Variants in TMEM132A observed in about 807,000 individuals in gnomAD.
TMEM132A encodes the protein transmembrane protein 132A, also known as GRP78-binding protein.
Under a neutral mutation model 69.9 loss-of-function variants are expected in TMEM132A, and 48 were observed. The ratio of observed to expected loss-of-function variants is 0.69; its 90% CI spans 0.55 to 0.87. The LOEUF (loss-of-function observed/expected upper bound fraction) is 0.87, where lower values mean the gene tolerates loss of function less well. Among genes scored for constraint, TMEM132A ranks in the 40% least tolerant of loss-of-function variants. The pLI, the probability that TMEM132A is intolerant of heterozygous loss-of-function variation, is 0.00. For missense variants in TMEM132A, 1,287 were observed against 1,407.2 expected (o/e 0.91, Z 1.37); for synonymous variants, 577 against 613.7 (o/e 0.94, Z 0.88).
rs1565122910 is a variant in TMEM132A, at chr11:60,935,016, GC to G, written c.1837-231del. 5.3e-5 allele frequency among the ~76,000 whole-genome samples: 8 copies of G among 152,150 alleles called. No homozygotes were observed. The highest frequency in any genetic ancestry group is 1.4e-4 in the African/African-American group (6 of 41,412). ...CCGGGTCTTGAGGGAAAAGGGAACT[GC>G]CCCCTAGGTGTGGGATTGGGGTCCA... On this transcript the variant is annotated intron_variant, in intron 9 of 10. Transcript: ENST00000453848. This position sits in a 1 kb window ranked among gnomAD's most constrained non-coding sequence, Gnocchi z 5.0.
Position 60,935,195 on chromosome 11 carries a change from T to TG in TMEM132A, c.1837-54dup. 1.3e-6 allele frequency: 2 copies of TG among 1,516,670 alleles called. No individual in the cohort carries two copies. Among genetic ancestry groups the TG allele is most frequent in the South Asian group, 2.4e-5 (2 of 82,972 alleles). 94.0% of individuals were successfully genotyped at this position (1,516,670 alleles called of 1,614,324 possible). On this transcript the variant is annotated intron_variant, in intron 9 of 10. Coordinates refer to ENST00000453848, the MANE Select transcript of TMEM132A (RefSeq NM_178031.3). The surrounding 1 kb of genome is among the most constrained non-coding windows in gnomAD (Gnocchi z 5.0). Reference sequence around the variant, plus strand: ...GGTGCTGGGAGCACCCGGTTCCCTCTGGGTGGGGGCTGTCTGTATGGAAGG... The same window carrying TG: ...GGTGCTGGGAGCACCCGGTTCCCTCTGGGGTGGGGGCTGTCTGTATGGAAGG...
In TMEM132A at chr11:60,936,329, G is replaced by T. The variant is rs906717734; in HGVS notation, c.2494G>T (p.Glu832Ter). 3.1e-6 allele frequency: 5 copies of T among 1,612,690 alleles called. No homozygotes were observed. In the Admixed American group the frequency reaches 5.0e-5, roughly 16 times the overall value. Residue 832 changes from glutamate to a stop codon, truncating the protein, a stop_gained, in exon 11 of 11, where the codon GAG becomes TAG. Coordinates refer to ENST00000453848, the MANE Select transcript of TMEM132A (RefSeq NM_178031.3). LOFTEE classifies it low-confidence loss of function (END_TRUNC). ...ETEAREEEEE[E>*]EEEMVPAPQH... is the part of the protein sequence containing the mutation. ...CGAAGCCAGGGAGGAGGAGGAGGAAGAGGAGGAGGAGATGGTCCCTGCCCC... is the reference window on the plus strand; with the variant it reads ...CGAAGCCAGGGAGGAGGAGGAGGAATAGGAGGAGGAGATGGTCCCTGCCCC...
chr11:60,929,135 C>A (rs1856421278), intron 4 of TMEM132A, among the ~76,000 whole-genome samples, 175 bp downstream of exon 4: 1 of 152,232 alleles, frequency 6.6e-6, no homozygotes, highest in African/African-American at 2.4e-5. Context: ...AGGAGCCCAC[C>A]ATGGGCACAG....
chr11:60,924,530 A>C lies in TMEM132A; in HGVS notation c.-104A>C. On this transcript the variant is annotated 5_prime_UTR_variant, in exon 1 of 11. Transcript: ENST00000453848. ...GGCGGCGGCGGCGGCGGCGGCCGGGACCCAGCGGGCCAGGTGGGGACGGCG... is the reference window on the plus strand; with the variant it reads ...GGCGGCGGCGGCGGCGGCGGCCGGGCCCCAGCGGGCCAGGTGGGGACGGCG... 1 of 798,520 alleles carries C rather than the reference A, an allele frequency of 1.3e-6. No homozygotes were observed. Among genetic ancestry groups the C allele is most frequent in the Non-Finnish European group, 1.7e-6 (1 of 581,774 alleles). The allele number at this position is 798,520 out of a possible 1,614,324, so 49.5% of individuals were successfully genotyped here.
chr11:60,934,554 G>A lies in TMEM132A; in HGVS notation c.1626G>A (p.Gln542=). ...GGCGCGCCCGTGGCTGCCACCTGCAGTACCAGCGGGCCGGTGTGCGCTTCC... is the reference window on the plus strand; with the variant it reads ...GGCGCGCCCGTGGCTGCCACCTGCAATACCAGCGGGCCGGTGTGCGCTTCC... ...AERRARGCHL[Q]YQRAGVRFLA... The change falls in exon 9 of 11, where the codon CAG becomes CAA. Residue 542 remains glutamine, a synonymous_variant. Coordinates refer to ENST00000453848, the MANE Select transcript of TMEM132A (RefSeq NM_178031.3). 6.6e-7 allele frequency: 1 copy of A among 1,518,546 alleles called. No individual in the cohort carries two copies. Among genetic ancestry groups the A allele is most frequent in the Middle Eastern group, 2.3e-4 (1 of 4,308 alleles). 94.1% of individuals were successfully genotyped at this position (1,518,546 alleles called of 1,614,324 possible).
In TMEM132A at chr11:60,936,534, C is replaced by G. The variant is rs1043682572; in HGVS notation, c.2699C>G (p.Thr900Ser). The change falls in exon 11 of 11, where the codon ACT (threonine) becomes AGT (serine). Residue 900 changes from threonine (T) to serine (S), a missense_variant. Transcript: ENST00000453848. Reference protein sequence around the residue: ...PQPHNWVWLGTDQEELSRQLD... With the variant: ...PQPHNWVWLGSDQEELSRQLD... Reference sequence around the variant, plus strand: ...CCCCACAACTGGGTCTGGCTGGGCACTGACCAGGAGGAACTGAGCCGCCAG... The same window carrying G: ...CCCCACAACTGGGTCTGGCTGGGCAGTGACCAGGAGGAACTGAGCCGCCAG... 2 of 1,613,554 alleles carry G rather than the reference C, an allele frequency of 1.2e-6. No homozygotes were observed. The highest frequency in any genetic ancestry group is 2.2e-5 in the South Asian group (2 of 91,078).
chr11:60,926,729 T>C (rs1452212655), intron 1 of TMEM132A: 2 of 234,572 alleles, frequency 8.5e-6, no homozygotes, highest in African/African-American at 2.3e-5. Flanking sequence ...CAGGTTGCCA[T>C]GGCAATGATG....
chr11:60,931,250 C>T (rs982788340), intron 5 of TMEM132A, among the ~76,000 whole-genome samples: 1 of 152,364 alleles, frequency 6.6e-6, no homozygotes, highest in Non-Finnish European at 1.5e-5. Context: ...ACATATCAGG[C>T]ACCCAGGACG....
At chr11:60,927,182 T>A in intron 1 of TMEM132A, 22 bp from the exon 2 acceptor site, 1 of 1,605,394 alleles carries the variant, frequency 6.2e-7, no homozygotes, top group Non-Finnish European at 8.5e-7. Context: ...TGTCATCATC[T>A]CTCCCTCTTA....
intron 7 of TMEM132A, 150 bp downstream of exon 7, chr11:60,932,277 T>C (rs1856498316): frequency 1.0e-6 from 1 of 963,156 alleles, no homozygotes. Context: ...AGCTTCAACT[T>C]CTTTTGTTCC....
intron 1 of TMEM132A, chr11:60,925,240 C>G (rs1012445885): frequency 1.3e-5 from 2 of 152,984 alleles, no homozygotes; most frequent in African/African-American, 2.4e-5. Context: ...CAGGGATGGC[C>G]GCATCCTTGC....
Position 60,927,670 on chromosome 11 carries a change from C to A in TMEM132A, c.345C>A (p.His115Gln). 6.2e-7 allele frequency: 1 copy of A among 1,612,952 alleles called. No homozygotes were observed. The highest frequency in any genetic ancestry group is 8.5e-7 in the Non-Finnish European group (1 of 1,179,912). The change falls in exon 3 of 11, where the codon CAC becomes CAA. Residue 115 changes from histidine (H) to glutamine (Q), a missense_variant. Physicochemically the swap from His to Gln is conservative, Grantham distance 24 (BLOSUM62 0). Transcript: ENST00000453848. ...TCCCCCCTCGAGTCACTGAGCCCCA[C>A]CAACGGCCAGTCCCATGGGACGTGC... Reference protein sequence around the residue: ...QVVPPRVTEPHQRPVPWDVRA... With the variant: ...QVVPPRVTEPQQRPVPWDVRA...
chr11:60,933,539 T>C lies in TMEM132A; in HGVS notation c.1357-3T>C. 1 of 1,605,684 alleles carries C rather than the reference T, an allele frequency of 6.2e-7. No homozygotes were observed. The highest frequency in any genetic ancestry group is 8.5e-7 in the Non-Finnish European group (1 of 1,178,286). On this transcript the variant is annotated splice_polypyrimidine_tract_variant and splice_region_variant and intron_variant, in intron 7 of 10. Transcript: ENST00000453848. ...CGCCCACCTGCCCTCTGCCCTTCCA[T>C]AGGTGTCTGAGGCCTGTGATGCCGT...
intron 8 of TMEM132A, chr11:60,934,239 C>T: frequency 2.4e-6 from 1 of 409,714 alleles, no homozygotes. Context: ...AAGAGAGCGT[C>T]TCCCCTGCGG....
Position 60,927,263 on chromosome 11 carries a change from G to A in TMEM132A, c.160G>A (p.Asp54Asn), listed in dbSNP as rs1373566004. ...CCTGCCGGCAGCCCTGGAGCTCCTA[G>A]ACGCCCCTGAACACTTCCGTGTGCA... ...VYLPAALELL[D>N]APEHFRVQQV... The change falls in exon 2 of 11, where the codon GAC becomes AAC. Residue 54 changes from aspartate (D) to asparagine (N), a missense_variant. Coordinates refer to ENST00000453848, the MANE Select transcript of TMEM132A (RefSeq NM_178031.3). 6.2e-7 allele frequency: 1 copy of A among 1,613,604 alleles called. No homozygotes were observed. The highest frequency in any genetic ancestry group is 1.7e-5 in the Admixed American group (1 of 60,024).
intron 5 of TMEM132A, among the ~76,000 whole-genome samples, chr11:60,930,960 C>T (rs1434434474): frequency 6.6e-6 from 1 of 152,182 alleles, no homozygotes; most frequent in African/African-American, 2.4e-5. Context: ...ACTCCATCCC[C>T]CTGCTTCCAC....
At chr11:60,926,421 C>CA (rs1435615295) in intron 1 of TMEM132A, among the ~76,000 whole-genome samples, 8 of 152,190 alleles carry the variant, frequency 5.3e-5, no homozygotes, top group Admixed American at 2.6e-4. Flanking sequence ...TACAAAGACT[C>CA]AAAGAGTTCA....
chr11:60,927,033 G>A (rs529812012), intron 1 of TMEM132A, 171 bp from the exon 2 acceptor site: 3 of 674,326 alleles, frequency 4.4e-6, no homozygotes, highest in Non-Finnish European at 8.1e-6. Context: ...CCTGTGTGAG[G>A]CTCTTTAAGC....
Position 60,933,752 on chromosome 11 carries a change from G to T in TMEM132A, c.1559+8G>T. 6.4e-7 allele frequency: 1 copy of T among 1,557,464 alleles called. No individual in the cohort carries two copies. ...ACCTGGCCCTGCTGAAGGGTGAGTG[G>T]AGGCCTGAGGAAGCTGGCAGGCCTT... On this transcript the variant is annotated splice_region_variant and intron_variant, in intron 8 of 10. Transcript: ENST00000453848.
Sources: allele counts gnomAD v4.1 joint callset (sites outside exome capture counted in the v4.1 genomes callset), GRCh38; gene constraint gnomAD v4.1.1; non-coding constraint Gnocchi (gnomAD v3.1); transcripts MANE v1.5; gene names NCBI Gene and HGNC (gene_info 2026-07-23, HGNC 2026-07-21).